DNMBP: variants seen among roughly 807,000 people sequenced by gnomAD.
DNMBP encodes the protein dynamin binding protein, also known as dynamin-binding protein.
Under a neutral mutation model 150.0 loss-of-function variants are expected in DNMBP, and 87 were observed. The ratio of observed to expected loss-of-function variants is 0.58; its 90% CI spans 0.49 to 0.69. The LOEUF is 0.69. Ranked by LOEUF, DNMBP falls within the 30% of genes least tolerant of loss-of-function variation. The pLI is 0.00. For missense variants in DNMBP, 1,774 were observed against 1,949.0 expected (o/e 0.91, Z 1.69); for synonymous variants, 711 against 750.4 (o/e 0.95, Z 0.86).
At chr10:99,879,357 A>G (rs1213553510) in intron 16 of DNMBP, among the ~76,000 whole-genome samples, 1 of 152,080 alleles carries the variant, frequency 6.6e-6, no homozygotes, top group African/African-American at 2.4e-5. Flanking sequence ...CCAGCTACTC[A>G]GGAAGCTGAG....
Position 99,955,764 on chromosome 10 carries a change from T to C in DNMBP, c.1710A>G (p.Pro570=). ...TTGAAAAGTGGCGTAAAATTTTATC[T>C]GGCTCTGTGCCGGGCCCTGCCAAGC... ...EKSLAGPGTE[P]DKILRHFSIM... The change falls in exon 4 of 17, where the codon CCA becomes CCG. Residue 570 remains proline (P), a synonymous_variant. Transcript: ENST00000324109. 1 of 1,614,258 alleles carries C rather than the reference T, an allele frequency of 6.2e-7. No individual in the cohort carries two copies. Among genetic ancestry groups the C allele is most frequent in the Non-Finnish European group, 8.5e-7 (1 of 1,180,040 alleles).
intron 10 of DNMBP, among the ~76,000 whole-genome samples, chr10:99,895,938 GT>G (rs1405441376): frequency 6.6e-6 from 1 of 152,090 alleles, no homozygotes; most frequent in African/African-American, 2.4e-5. Context: ...TACACTTAAC[GT>G]TTCCTTCTTT....
At chr10:99,912,444 CAAT>C (rs1015056041) in intron 4 of DNMBP, among the ~76,000 whole-genome samples, 2 of 152,128 alleles carry the variant, frequency 1.3e-5, no homozygotes, top group African/African-American at 4.8e-5. Flanking sequence ...TGGAGAAAAA[CAAT>C]AACAATTCTT....
Position 99,955,613 on chromosome 10 carries a change from T to C in DNMBP, c.1861A>G (p.Thr621Ala), listed in dbSNP as rs1017457833. 3.7e-6 allele frequency: 6 copies of C among 1,614,044 alleles called. No homozygotes were observed. The highest frequency in any genetic ancestry group is 5.1e-6 in the Non-Finnish European group (6 of 1,179,960). The part of the protein sequence containing the change: ...PPPRPCTPVS[T>A]SPHLLVDQNL... ...TGGTCAACCAGCAAATGGGGAGAAG[T>C]GGATACCGGAGTACAGGGACGAGGT... is the stretch of plus-strand genomic sequence containing the variant. Residue 621 changes from threonine to alanine, a missense_variant, in exon 4 of 17, where the codon ACT (threonine) becomes GCT (alanine). By Grantham distance (58) the Thr-to-Ala change is moderately conservative (BLOSUM62 0). Around this residue, in one of 2 missense-constraint regions of DNMBP, gnomAD observed 1,430 missense variants for 1,492.5 expected, o/e 0.96. Transcript: ENST00000324109.
chr10:99,885,187 A>T (rs1281871059), intron 14 of DNMBP, among the ~76,000 whole-genome samples: 2 of 152,080 alleles, frequency 1.3e-5, no homozygotes, highest in Non-Finnish European at 2.9e-5. Flanking sequence ...TAATGAACCA[A>T]TGAATTAATA....
chr10:99,888,050 C>T (rs1163839086), intron 12 of DNMBP, among the ~76,000 whole-genome samples: 1 of 152,080 alleles, frequency 6.6e-6, no homozygotes, highest in East Asian at 1.9e-4. Flanking sequence ...TCTCAACTCC[C>T]AACCTCAGGT....
rs1413593403 is a variant in DNMBP at position 99,876,358 on chromosome 10, T to TAA, written c.*791_*792dup. 1 of 148,516 alleles carries TAA rather than the reference T, an allele frequency of 6.7e-6. No homozygotes were observed. Among genetic ancestry groups the TAA allele is most frequent in the Admixed American group, 6.7e-5 (1 of 14,878 alleles). 9.2% of individuals were successfully genotyped at this position (148,516 alleles called of 1,614,324 possible). A position where few individuals can be genotyped will look rare whatever the true frequency, so the allele number is the denominator to read the frequency against. On this transcript the variant is annotated 3_prime_UTR_variant, in exon 17 of 17. Transcript: ENST00000324109. ...GGAGGGTTGCTTGAGCCCAGGCGTT[T>TAA]AAGACCAGCCTGGGCAACATAGCAA... is the stretch of plus-strand genomic sequence containing the variant.
At chr10:99,944,261 T>A (rs2040332955) in intron 4 of DNMBP, among the ~76,000 whole-genome samples, 2 of 151,878 alleles carry the variant, frequency 1.3e-5, no homozygotes, top group African/African-American at 4.8e-5. Context: ...TATGTTTTTT[T>A]AAATTAATCA....
rs766859844 is a variant in DNMBP at position 99,909,126 on chromosome 10, G to C, written c.2281C>G (p.Gln761Glu). 9.9e-6 allele frequency: 16 copies of C among 1,613,516 alleles called. No homozygotes were observed. In the East Asian group the frequency reaches 3.6e-4, roughly 36 times the overall value. ...GAAGGGGCCACCAGTGATGAAGACT[G>C]GGAGGAGAGGAGCGTCATTTCTAGA... ...QLREMTLLSS[Q>E]SSSLVAPSGS... is the part of the protein sequence containing the mutation. The change falls in exon 5 of 17, where the codon CAG becomes GAG. Residue 761 changes from glutamine (Q) to glutamate (E), a missense_variant. Coordinates refer to ENST00000324109, the MANE Select transcript of DNMBP (RefSeq NM_015221.4).
Position 99,955,204 on chromosome 10 carries a change from C to G in DNMBP, c.2260+10G>C, listed in dbSNP as rs373360940. On this transcript the variant is annotated intron_variant, in intron 4 of 16. Transcript: ENST00000324109. ...AAGAAACAATTACATATTATTTCCT[C>G]GTCACTTACCTCTTAGTTGCTGGAG... 1 of 1,605,140 alleles carries G rather than the reference C, an allele frequency of 6.2e-7. No individual in the cohort carries two copies. Among genetic ancestry groups the G allele is most frequent in the Non-Finnish European group, 8.5e-7 (1 of 1,174,176 alleles).
At chr10:99,948,389 T>A (rs1358767083) in intron 4 of DNMBP, among the ~76,000 whole-genome samples, 8 of 152,200 alleles carry the variant, frequency 5.3e-5, no homozygotes, top group Non-Finnish European at 1.2e-4. Context: ...TACTCCTGAA[T>A]CTCAAATATT....
chr10:99,998,567 GAGAC>G (rs1324597341), intron 1 of DNMBP, among the ~76,000 whole-genome samples: 18 of 127,738 alleles, frequency 1.4e-4, no homozygotes, highest in Non-Finnish European at 2.3e-4. Context: ...GTGACAGAGT[GAGAC>G]TCCGTCTCAA....
At position 99,886,355 on chromosome 10, in the gene DNMBP, T is replaced by G; in HGVS notation, c.3563A>C (p.Glu1188Ala). 6.2e-7 allele frequency: 1 copy of G among 1,614,180 alleles called. No homozygotes were observed. The highest frequency in any genetic ancestry group is 8.5e-7 in the Non-Finnish European group (1 of 1,180,020). ...CTGGTGCACAAAGTCACAGTGGGCT[T>G]CAGCATAGCCGTGGACACAGTTGGT... ...LFTNCVHGYA[E>A]AHCDFVHQAL... Residue 1188 changes from glutamate to alanine, a missense_variant, in exon 13 of 17, where the codon GAA (glutamate) becomes GCA (alanine). By Grantham distance (107) the Glu-to-Ala change is moderately radical (BLOSUM62 -1). Around this residue, in one of 2 missense-constraint regions of DNMBP, gnomAD observed 1,430 missense variants for 1,492.5 expected, o/e 0.96. Transcript: ENST00000324109.
At chr10:99,960,553 C>A (rs557239235) in intron 3 of DNMBP, among the ~76,000 whole-genome samples, 1 of 152,294 alleles carries the variant, frequency 6.6e-6, no homozygotes, top group South Asian at 2.1e-4. Flanking sequence ...CGCCTGTAAT[C>A]CCAGCACTTC....
intron 15 of DNMBP, among the ~76,000 whole-genome samples, chr10:99,883,795 C>T (rs7087531): frequency 5.9e-5 from 9 of 151,998 alleles, no homozygotes; most frequent in Non-Finnish European, 1.2e-4. Flanking sequence ...TGATAAGCAA[C>T]GGTGTCTCCT....
chr10:99,922,041 G>C (rs2040028562), intron 4 of DNMBP, among the ~76,000 whole-genome samples: 1 of 152,052 alleles, frequency 6.6e-6, no homozygotes, highest in Non-Finnish European at 1.5e-5. Context: ...TGTGGAACCA[G>C]GTCTGCTGTG....
chr10:99,957,310 G>T, intron 3 of DNMBP, 105 bp from the exon 4 acceptor site: 1 of 978,676 alleles, frequency 1.0e-6, no homozygotes, highest in Non-Finnish European at 1.5e-6. Flanking sequence ...CAAATTCAAG[G>T]AAATACACCT....
Position 99,880,352 on chromosome 10 carries a change from C to G in DNMBP, c.4007G>C (p.Gly1336Ala), listed in dbSNP as rs569455301. The change falls in exon 16 of 17, where the codon GGC becomes GCC. Residue 1336 changes from glycine (G) to alanine (A), a missense_variant. Physicochemically the swap from Gly to Ala is moderately conservative, Grantham distance 60 (BLOSUM62 0). Transcript: ENST00000324109. Reference sequence around the variant, plus strand: ...CTTTAGGAAAGAGCTGTACACGAAGCCTTTGGTGACTACAAAGGAAACAGG... The same window carrying G: ...CTTTAGGAAAGAGCTGTACACGAAGGCTTTGGTGACTACAAAGGAAACAGG... Reference protein sequence around the residue: ...RWLIDNGVTKGFVYSSFLKPY... With the variant: ...RWLIDNGVTKAFVYSSFLKPY... 56 of 1,586,140 alleles carry G rather than the reference C, an allele frequency of 3.5e-5. No individual in the cohort carries two copies. The Admixed American group carries it at 6.4e-4, about 18-fold the overall frequency.
chr10:99,912,488 C>T (rs1236281530), intron 4 of DNMBP, among the ~76,000 whole-genome samples: 1 of 152,054 alleles, frequency 6.6e-6, no homozygotes, highest in Admixed American at 6.6e-5. Flanking sequence ...CCCCTGTGCC[C>T]CCACCCCCCG....
Sources: gnomAD v4.1 joint callset for allele counts (sites outside exome capture counted in the v4.1 genomes callset) on GRCh38, gnomAD v4.1.1 for gene constraint, gnomAD v4.1.1 regional missense constraint, MANE v1.5 for transcripts, NCBI Gene and HGNC (gene_info 2026-07-23, HGNC 2026-07-21) for gene names.